Variants in DENND1A observed in about 807,000 individuals in gnomAD.
DENND1A encodes the protein DENN domain-containing protein 1A.
In DENND1A, 51 loss-of-function variants were observed where a neutral mutation model predicts 113.7. That is an observed-to-expected ratio of 0.45 (90% CI 0.36 to 0.57). The LOEUF (loss-of-function observed/expected upper bound fraction) is 0.57, where lower values mean the gene tolerates loss of function less well. Among genes scored for constraint, DENND1A ranks in the 20% least tolerant of loss-of-function variants. DENND1A has a pLI of 0.00. For missense variants in DENND1A, 1,258 were observed against 1,395.9 expected (o/e 0.90, Z 1.57); for synonymous variants, 565 against 570.8 (o/e 0.99, Z 0.14).
At chr9:123,572,357 C>T (rs748328192) in intron 12 of DENND1A, among the ~76,000 whole-genome samples, 14 of 152,088 alleles carry the variant, frequency 9.2e-5, no homozygotes, top group Non-Finnish European at 1.6e-4. Context: ...AGTTGGGGGA[C>T]GTCTGTATTG....
chr9:123,750,874 T>A (rs911235546), intron 5 of DENND1A, among the ~76,000 whole-genome samples: 4 of 152,276 alleles, frequency 2.6e-5, no homozygotes, highest in Middle Eastern at 3.4e-3. Context: ...GAGACAACCA[T>A]AAACAGCTTA....
At chr9:123,581,108 C>T (rs553642013) in intron 12 of DENND1A, among the ~76,000 whole-genome samples, 4 of 150,338 alleles carry the variant, frequency 2.7e-5, no homozygotes, top group Non-Finnish European at 4.4e-5. Flanking sequence ...TGCAGACCCA[C>T]GGGGTTGAGT....
intron 13 of DENND1A, among the ~76,000 whole-genome samples, chr9:123,511,495 A>C (rs1320738071): frequency 6.6e-6 from 1 of 152,266 alleles, no homozygotes; most frequent in African/African-American, 2.4e-5. Context: ...TCTCATCCCC[A>C]GCACAGGGCT....
intron 2 of DENND1A, among the ~76,000 whole-genome samples, chr9:123,809,448 T>C (rs1461731589): frequency 6.6e-6 from 1 of 152,258 alleles, no homozygotes; most frequent in African/African-American, 2.4e-5. Flanking sequence ...TCTAAAATTC[T>C]ATCATTCTAT....
chr9:123,454,930 A>G, intron 15 of DENND1A, 151 bp from the exon 16 acceptor site: 2 of 683,388 alleles, frequency 2.9e-6, no homozygotes, highest in Non-Finnish European at 5.0e-6. Context: ...TCCTGGGTTC[A>G]AGCAATTCTC....
At chr9:123,698,741 C>T (rs917790311) in intron 5 of DENND1A, among the ~76,000 whole-genome samples, 13 of 152,188 alleles carry the variant, frequency 8.5e-5, no homozygotes, top group African/African-American at 2.9e-4. Flanking sequence ...TGGCTCAAGC[C>T]ACTGGCAACC....
At chr9:123,574,106 A>G (rs1401763111) in intron 12 of DENND1A, among the ~76,000 whole-genome samples, 1 of 148,972 alleles carries the variant, frequency 6.7e-6, no homozygotes, top group Non-Finnish European at 1.5e-5. Flanking sequence ...CCTTTTTTAT[A>G]TATTGCTGGA....
rs551160494 is a variant in DENND1A, at chr9:123,676,796, G to C, written c.303-7C>G. 3.1e-6 allele frequency: 5 copies of C among 1,613,408 alleles called. No homozygotes were observed. In the African/African-American group the frequency reaches 5.4e-5, roughly 17 times the overall value. ...CTCGAACCAGGGGAGATAGCTGGAGGAAGAAGAGGAAACACATGAAATATT... is the reference window on the plus strand; with the variant it reads ...CTCGAACCAGGGGAGATAGCTGGAGCAAGAAGAGGAAACACATGAAATATT... On this transcript the variant is annotated splice_region_variant and splice_polypyrimidine_tract_variant and intron_variant, in intron 5 of 23. Transcript: ENST00000394215.
chr9:123,550,866 G>A (rs1417791511), intron 13 of DENND1A, among the ~76,000 whole-genome samples: 1 of 152,166 alleles, frequency 6.6e-6, no homozygotes, highest in Non-Finnish European at 1.5e-5. Flanking sequence ...AGGACCCTCG[G>A]CCTAGCAATT....
chr9:123,699,699 T>C (rs1053991237), intron 5 of DENND1A, among the ~76,000 whole-genome samples: 2 of 147,384 alleles, frequency 1.4e-5, no homozygotes, highest in Non-Finnish European at 1.5e-5. Flanking sequence ...TTTTTTTTTT[T>C]TTTTTTTTTT....
chr9:123,711,378 A>C (rs771020487), intron 5 of DENND1A, among the ~76,000 whole-genome samples: 26 of 151,502 alleles, frequency 1.7e-4, no homozygotes, highest in Non-Finnish European at 3.1e-4. Flanking sequence ...AGGCAGGAGA[A>C]TAGCTTGAAC....
intron 13 of DENND1A, among the ~76,000 whole-genome samples, chr9:123,519,593 A>G (rs1347354166): frequency 6.6e-6 from 1 of 152,160 alleles, no homozygotes; most frequent in East Asian, 1.9e-4. Flanking sequence ...TAATTTTTAT[A>G]TTTTTAGTAG....
intron 5 of DENND1A, among the ~76,000 whole-genome samples, chr9:123,745,473 G>A (rs2069413897): frequency 6.6e-6 from 1 of 152,262 alleles, no homozygotes; most frequent in Non-Finnish European, 1.5e-5. Flanking sequence ...CTCATGCACA[G>A]CTTGCAGAAG....
chr9:123,785,633 C>A (rs1213759194), intron 3 of DENND1A, among the ~76,000 whole-genome samples: 1 of 152,066 alleles, frequency 6.6e-6, no homozygotes, highest in East Asian at 1.9e-4. Flanking sequence ...TATCAATGAA[C>A]CTTAGAAATC....
At chr9:123,501,229 T>C (rs1475776746) in intron 13 of DENND1A, among the ~76,000 whole-genome samples, 2 of 152,234 alleles carry the variant, frequency 1.3e-5, no homozygotes, top group Admixed American at 6.5e-5. Context: ...GTATGTAGCA[T>C]AATGTCCTCC....
In DENND1A at chr9:123,711,989, C is replaced by T. The variant is rs759763723; in HGVS notation, c.303-35200G>A. On this transcript the variant is annotated intron_variant, in intron 5 of 23. Coordinates refer to ENST00000394215, the MANE Select transcript of DENND1A (RefSeq NM_001352964.2). ...GGCATGTGTCTCTTTTCCTTTCATC[C>T]CTGATGCATGGAAATGCCTTATTCT... Among the ~76,000 whole-genome samples the T allele has an allele frequency of 2.6e-5, 4 of 152,268 alleles. No homozygotes were observed. In the East Asian group the frequency reaches 7.7e-4, roughly 29 times the overall value.
At chr9:123,900,625 T>G (rs575298188) in intron 1 of DENND1A, among the ~76,000 whole-genome samples, 1 of 152,210 alleles carries the variant, frequency 6.6e-6, no homozygotes, top group Non-Finnish European at 1.5e-5. Context: ...CAGACTAGCA[T>G]GGAAGACAAA....
intron 13 of DENND1A, among the ~76,000 whole-genome samples, chr9:123,482,514 T>A (rs868868968): frequency 6.6e-6 from 1 of 152,236 alleles, no homozygotes. Context: ...TCTCTGCCTA[T>A]GGGAAGCCTT....
intron 1 of DENND1A, among the ~76,000 whole-genome samples, chr9:123,904,367 A>C (rs918753895): frequency 6.6e-6 from 1 of 152,010 alleles, no homozygotes; most frequent in African/African-American, 2.4e-5. Context: ...AGCTGGATGG[A>C]GAATGACTTT....
Sources: gnomAD v4.1 joint callset for allele counts (sites outside exome capture counted in the v4.1 genomes callset) on GRCh38, gnomAD v4.1.1 for gene constraint, MANE v1.5 for transcripts, NCBI Gene and HGNC (gene_info 2026-07-23, HGNC 2026-07-21) for gene names.